Variants in PTPRT observed in about 807,000 individuals in gnomAD.
PTPRT encodes protein tyrosine phosphatase receptor type T.
A neutral mutation model predicts 176.8 loss-of-function variants in PTPRT; 56 were observed. That is an observed-to-expected ratio of 0.32 (90% CI 0.26 to 0.40). The LOEUF (loss-of-function observed/expected upper bound fraction) is 0.40. PTPRT is among the 10% of genes least tolerant of loss of function. The pLI is 1.00. For missense variants in PTPRT, 1,540 were observed against 1,908.2 expected, an observed-to-expected ratio of 0.81 and a Z score of 3.60; for synonymous variants, 783 against 739.0, an observed-to-expected ratio of 1.06 and a Z score of -0.96.
chr20:43,177,986 T>C (rs779607378), intron 1 of PTPRT, among the ~76,000 whole-genome samples: 2 of 152,226 alleles, frequency 1.3e-5, no homozygotes, highest in Non-Finnish European at 2.9e-5. Flanking sequence ...AAGAACTTCA[T>C]TGAGATGGAA....
intron 1 of PTPRT, among the ~76,000 whole-genome samples, chr20:43,161,488 C>A (rs190943915): frequency 4.6e-4 from 70 of 152,188 alleles, no homozygotes; most frequent in African/African-American, 1.6e-3. Context: ...AAGAGAAAGA[C>A]AGGTATAACA....
At chr20:42,175,609 T>C (rs1990258855) in intron 16 of PTPRT, among the ~76,000 whole-genome samples, 1 of 152,124 alleles carries the variant, frequency 6.6e-6, no homozygotes, top group African/African-American at 2.4e-5. Flanking sequence ...TTGCAAAGTG[T>C]ATGCAATTGT....
chr20:43,129,828 C>T lies in PTPRT; in HGVS notation c.88+59818G>A, dbSNP rs566348287. ...AGAGACGGGGTTTCACCGTTTTAGC[C>T]GGGATGGTCTCGATCTCCTGACCTC... On this transcript the variant is annotated intron_variant, in intron 1 of 30. Transcript: ENST00000373187. 1.4e-4 allele frequency among the ~76,000 whole-genome samples: 21 copies of T among 151,534 alleles called. No homozygotes were observed. In the East Asian group the frequency reaches 3.7e-3, roughly 27 times the overall value.
At chr20:43,149,939 G>A (rs1484831845) in intron 1 of PTPRT, among the ~76,000 whole-genome samples, 1 of 152,184 alleles carries the variant, frequency 6.6e-6, no homozygotes, top group Non-Finnish European at 1.5e-5. Context: ...GAACATCCGT[G>A]AGATGTGAAG....
intron 17 of PTPRT, among the ~76,000 whole-genome samples, chr20:42,157,894 C>G (rs1989432037): frequency 6.6e-6 from 1 of 152,236 alleles, no homozygotes; most frequent in Admixed American, 6.5e-5. Flanking sequence ...GGCTACTACA[C>G]TGTGAAGAAG....
intron 1 of PTPRT, among the ~76,000 whole-genome samples, chr20:42,987,377 T>C (rs1241311024): frequency 2.0e-5 from 3 of 152,202 alleles, no homozygotes; most frequent in African/African-American, 7.2e-5. Flanking sequence ...CCACCAATGG[T>C]TGGTGGCTAT....
chr20:42,054,696 C>G, the PTPRT span, among the ~76,000 whole-genome samples: 1 of 152,178 alleles, frequency 6.6e-6, no homozygotes, highest in East Asian at 1.9e-4. Flanking sequence ...CCCAGTTCCA[C>G]CCACATTCCT....
chr20:42,784,152 C>G (rs1309673506), intron 3 of PTPRT, among the ~76,000 whole-genome samples: 1 of 151,944 alleles, frequency 6.6e-6, no homozygotes, highest in Admixed American at 6.5e-5. Flanking sequence ...ACTACTTGTG[C>G]AAAGCCAGGA....
At chr20:42,858,912 G>C (rs1348752100) in intron 2 of PTPRT, among the ~76,000 whole-genome samples, 1 of 152,150 alleles carries the variant, frequency 6.6e-6, no homozygotes, top group Non-Finnish European at 1.5e-5. Context: ...CAAGGGGAGA[G>C]TCTTTGTCAC....
At chr20:42,555,893 C>T (rs766035737) in intron 7 of PTPRT, among the ~76,000 whole-genome samples, 3 of 152,070 alleles carry the variant, frequency 2.0e-5, no homozygotes, top group Non-Finnish European at 4.4e-5. Context: ...CTAGGAGGGA[C>T]GTGAGCAAGG....
chr20:42,344,655 TGCTTG>T (rs2058161213), intron 11 of PTPRT, among the ~76,000 whole-genome samples: 1 of 152,188 alleles, frequency 6.6e-6, no homozygotes, highest in Admixed American at 6.5e-5. Flanking sequence ...GAGAATGGCA[TGCTTG>T]GTGGAGAGAA....
intron 14 of PTPRT, among the ~76,000 whole-genome samples, chr20:42,243,806 C>T (rs1312199740): frequency 6.6e-6 from 1 of 152,164 alleles, no homozygotes; most frequent in African/African-American, 2.4e-5. Context: ...GTGATCTTTT[C>T]GAACTTCAGT....
At chr20:42,172,898 C>A (rs1056593067) in intron 16 of PTPRT, among the ~76,000 whole-genome samples, 3 of 152,094 alleles carry the variant, frequency 2.0e-5, no homozygotes, top group Non-Finnish European at 2.9e-5. Context: ...GAGACTGCAG[C>A]AATAATGAAA....
In PTPRT at chr20:42,446,338, A is replaced by G. The variant is rs546349963; in HGVS notation, c.1560+1882T>C. Among the ~76,000 whole-genome samples the G allele has an allele frequency of 7.2e-5, 11 of 152,304 alleles. No homozygotes were observed. The Middle Eastern group carries it at 0.017, about 235-fold the overall frequency. ...TTTATTCTGAAATTATATCCTTTCT[A>G]TATTTTTGGAATTATGTCTTTTATA... On this transcript the variant is annotated intron_variant, in intron 9 of 30. Transcript: ENST00000373187.
chr20:42,642,462 A>G (rs763802140), intron 7 of PTPRT, among the ~76,000 whole-genome samples: 2 of 152,224 alleles, frequency 1.3e-5, no homozygotes, highest in Non-Finnish European at 2.9e-5. Context: ...GGGAATAGTA[A>G]TAATCTTGAT....
chr20:42,081,626 G>A lies in PTPRT; in HGVS notation c.4272+256C>T, dbSNP rs183733913. On this transcript the variant is annotated intron_variant, in intron 30 of 30. Coordinates refer to ENST00000373187, the MANE Select transcript of PTPRT (RefSeq NM_007050.6). ...CCTTTAGGCCTGAATTAATGACACT[G>A]TCTTAAGGAATGGGCAGAAAGTGAA... Among the ~76,000 whole-genome samples, 69 of 152,284 alleles carry A rather than the reference G, an allele frequency of 4.5e-4. 1 individual carries two copies. Among genetic ancestry groups the A allele is most frequent in the Admixed American group, 2.5e-3 (39 of 15,304 alleles).
intron 2 of PTPRT, among the ~76,000 whole-genome samples, chr20:42,797,702 G>T (rs1321744792): frequency 6.6e-6 from 1 of 152,290 alleles, no homozygotes; most frequent in African/African-American, 2.4e-5. Flanking sequence ...ATAAGCTTGA[G>T]ATGGGGAGAT....
intron 9 of PTPRT, among the ~76,000 whole-genome samples, chr20:42,360,081 G>T (rs545819441): frequency 3.1e-4 from 47 of 152,160 alleles, no homozygotes; most frequent in Non-Finnish European, 6.0e-4. Context: ...GCTGGCCCAG[G>T]GTCCTTAGTA....
chr20:43,032,393 G>T (rs1986173601), intron 1 of PTPRT, among the ~76,000 whole-genome samples: 1 of 151,210 alleles, frequency 6.6e-6, no homozygotes. Flanking sequence ...GCTGCTTTGA[G>T]GTCCTGGGGG....
Sources: gnomAD v4.1 joint callset for allele counts (sites outside exome capture counted in the v4.1 genomes callset) on GRCh38, gnomAD v4.1.1 for gene constraint, MANE v1.5 for transcripts, NCBI Gene and HGNC (gene_info 2026-07-23, HGNC 2026-07-21) for gene names.